The following CCDC57 variants were observed in gnomAD, a reference collection of about 807,000 sequenced individuals.
CCDC57 encodes the protein coiled-coil domain-containing protein 57.
In CCDC57, 118 loss-of-function variants were observed where a neutral mutation model predicts 118.9. The observed-to-expected ratio is 0.99, with a 90% CI of 0.86 to 1.16. CCDC57 has a LOEUF of 1.16. Among genes scored for constraint, CCDC57 ranks in the 50% most tolerant of loss-of-function variants. The pLI, the probability that CCDC57 is intolerant of heterozygous loss-of-function variation, is 0.00. For synonymous variants in CCDC57, 527 were observed against 532.9 expected (o/e 0.99, Z 0.15); for missense variants, 1,300 against 1,320.7 (o/e 0.98, Z 0.24).
intron 16 of CCDC57, among the ~76,000 whole-genome samples, chr17:82,151,199 G>A (rs1434399994): frequency 1.7e-4 from 8 of 47,340 alleles, no homozygotes; most frequent in African/African-American, 1.7e-4. Flanking sequence ...AGAACCAGGC[G>A]CACATCCAGA....
intron 3 of CCDC57, among the ~76,000 whole-genome samples, chr17:82,199,401 C>G (rs2048711535): frequency 6.9e-6 from 1 of 144,490 alleles, no homozygotes; most frequent in Non-Finnish European, 1.5e-5. Context: ...CCCCTTGAAC[C>G]CCGGAGGCAG....
intron 8 of CCDC57, among the ~76,000 whole-genome samples, chr17:82,186,115 C>A (rs928315249): frequency 6.6e-6 from 1 of 151,788 alleles, no homozygotes; most frequent in Non-Finnish European, 1.5e-5. Context: ...TGTGCCTAGC[C>A]GAGGTCATCA....
intron 3 of CCDC57, among the ~76,000 whole-genome samples, chr17:82,198,701 A>G (rs900712437): frequency 2.0e-5 from 3 of 152,006 alleles, no homozygotes; most frequent in African/African-American, 4.8e-5. Flanking sequence ...CAAAAACCGG[A>G]AAGATCTGAC....
At chr17:82,148,332 G>A (rs2041196815) in intron 16 of CCDC57, among the ~76,000 whole-genome samples, 1 of 60,672 alleles carries the variant, frequency 1.6e-5, no homozygotes, top group Non-Finnish European at 3.1e-5. Flanking sequence ...TGGGTGGATG[G>A]ATGGATGGAT....
At chr17:82,195,550 G>A (rs565276176) in intron 4 of CCDC57, among the ~76,000 whole-genome samples, 186 bp from the exon 4 acceptor site, 25 of 151,982 alleles carry the variant, frequency 1.6e-4, no homozygotes, top group Non-Finnish European at 2.9e-4. Context: ...AGGCCGAGGC[G>A]GGAGGATCGC....
intron 16 of CCDC57, among the ~76,000 whole-genome samples, chr17:82,138,393 C>G (rs1307024613): frequency 6.6e-6 from 1 of 151,912 alleles, no homozygotes; most frequent in African/African-American, 2.4e-5. Context: ...CGTGATCTAC[C>G]TGCCTCAGCC....
intron 19 of CCDC57, among the ~76,000 whole-genome samples, chr17:82,111,180 C>T (rs1005231081): frequency 3.3e-5 from 5 of 151,486 alleles, no homozygotes; most frequent in Non-Finnish European, 7.4e-5. Context: ...ACTGCAAGCT[C>T]TGCCTCCTGG....
rs371440176 is a variant in CCDC57 at position 82,191,077 on chromosome 17, G to A, written c.852-2658C>T. 9.2e-5 allele frequency among the ~76,000 whole-genome samples: 14 copies of A among 151,590 alleles called. No individual in the cohort carries two copies. The South Asian group carries it at 2.9e-3, about 32-fold the overall frequency. On this transcript the variant is annotated intron_variant, in intron 7 of 19. Coordinates refer to ENST00000665763, the Ensembl canonical transcript of CCDC57. ...CAGGATGTCCAATGGTGCCAATCAA[G>A]TAAATCATGAGTTGTAATACGGCAA... is the stretch of plus-strand genomic sequence containing the variant.
At chr17:82,146,572 C>T (rs368190279) in intron 16 of CCDC57, among the ~76,000 whole-genome samples, 6 of 152,228 alleles carry the variant, frequency 3.9e-5, no homozygotes, top group South Asian at 4.2e-4. Context: ...GTGGGGAGGA[C>T]GGCCTTCCCA....
At position 82,183,837 on chromosome 17, in the gene CCDC57, G is replaced by A. The variant is rs774022804; in HGVS notation, c.1148C>T (p.Thr383Met). The A allele has an allele frequency of 1.2e-4, 193 of 1,609,634 alleles. No homozygotes were observed. The highest frequency in any genetic ancestry group is 1.6e-4 in the Middle Eastern group (1 of 6,076). The change falls in exon 9 of 20, where the codon ACG becomes ATG. Residue 383 changes from threonine to methionine, a missense_variant. By Grantham distance (81) the Thr-to-Met change is moderately conservative. Coordinates refer to ENST00000665763, the Ensembl canonical transcript of CCDC57. ...GAGCTTCACCTCTTCTTCCTGCAGC[G>A]TCTGAATCTGAAGGTCTCTGGAGAC... is the stretch of plus-strand genomic sequence containing the variant.
At chr17:82,106,642 CCGCTGTTT>C (rs1289528718) in intron 19 of CCDC57, 2 of 152,520 alleles carry the variant, frequency 1.3e-5, no homozygotes, top group East Asian at 3.9e-4. Context: ...GCAGCTGTCT[CCGCTGTTT>C]CGGAGGCATG....
chr17:82,132,246 C>T lies in CCDC57; in HGVS notation c.2577+1827G>A, dbSNP rs141046259. The stretch of plus-strand genomic sequence containing the variant: ...GGTCACAAAGCCACAGTATTTAAAG[C>T]GGTATAGTACCATTTCAGGAACAGA... On this transcript the variant is annotated intron_variant, in intron 17 of 19. Coordinates refer to ENST00000665763, the Ensembl canonical transcript of CCDC57. 2.8e-3 allele frequency among the ~76,000 whole-genome samples: 430 copies of T among 152,088 alleles called. 3 individuals are homozygous for T. Among genetic ancestry groups the T allele is most frequent in the African/African-American group, 9.9e-3 (412 of 41,456 alleles).
intron 19 of CCDC57, among the ~76,000 whole-genome samples, chr17:82,117,798 A>G (rs567698696): frequency 9.9e-4 from 150 of 152,244 alleles, no homozygotes; most frequent in South Asian, 3.1e-3. Flanking sequence ...CTGAGTGAGG[A>G]AAGGTGCCTC....
chr17:82,209,870 C>T (rs1040663047), intron 1 of CCDC57, among the ~76,000 whole-genome samples: 7 of 152,128 alleles, frequency 4.6e-5, no homozygotes, highest in Non-Finnish European at 1.0e-4. Context: ...CCTACTCTAT[C>T]CATTAAGAAA....
chr17:82,178,409 T>C (rs1226422747), intron 11 of CCDC57, 65 bp downstream of exon 10: 2 of 1,517,484 alleles, frequency 1.3e-6, no homozygotes, highest in African/African-American at 1.4e-5. Flanking sequence ...GATTTGGGGA[T>C]CTGGTCCTAT....
intron 2 of CCDC57, among the ~76,000 whole-genome samples, chr17:82,206,594 T>A (rs538243998): frequency 6.6e-6 from 1 of 152,130 alleles, no homozygotes; most frequent in Non-Finnish European, 1.5e-5. Context: ...TCTTCCCCCA[T>A]ATCTCCCCTT....
chr17:82,208,402 G>A (rs1445044591), intron 1 of CCDC57, among the ~76,000 whole-genome samples: 1 of 151,692 alleles, frequency 6.6e-6, no homozygotes, highest in Non-Finnish European at 1.5e-5. Flanking sequence ...GATTACAGGC[G>A]CCCGCCACCA....
chr17:82,113,567 C>G (rs2035455574), intron 19 of CCDC57: 2 of 717,558 alleles, frequency 2.8e-6, no homozygotes, highest in Non-Finnish European at 5.2e-6. Context: ...TCCATTCATT[C>G]CCCCTCGCAT....
intron 14 of CCDC57, among the ~76,000 whole-genome samples, chr17:82,162,550 C>T (rs1361492303): frequency 6.6e-6 from 1 of 152,204 alleles, no homozygotes; most frequent in Non-Finnish European, 1.5e-5. Flanking sequence ...CACATGCGTC[C>T]GGTTGACCAG....
Sources: gnomAD v4.1 joint callset for allele counts (sites outside exome capture counted in the v4.1 genomes callset) on GRCh38, gnomAD v4.1.1 for gene constraint, MANE v1.5 for transcripts, NCBI Gene and HGNC (gene_info 2026-07-23, HGNC 2026-07-21) for gene names.